Variants in MAEA observed in about 807,000 individuals in gnomAD.
MAEA encodes the protein E3 ubiquitin-protein transferase MAEA.
Under a neutral mutation model 46.2 loss-of-function variants are expected in MAEA, and 22 were observed. That is an observed-to-expected ratio of 0.48 (90% CI 0.34 to 0.68). The LOEUF (loss-of-function observed/expected upper bound fraction) is 0.68. Ranked by LOEUF, MAEA falls within the 30% of genes least tolerant of loss-of-function variation. MAEA has a pLI of 0.01. For synonymous variants in MAEA, 246 were observed against 222.6 expected (o/e 1.11, Z -0.94); for missense variants, 393 against 558.1 (o/e 0.70, Z 2.98).
intron 5 of MAEA, chr4:1,328,808 G>C: frequency 1.9e-6 from 2 of 1,075,178 alleles, no homozygotes; most frequent in Non-Finnish European, 2.3e-6. Context: ...TGACCTGGGC[G>C]CATGGTGGCA....
rs117462034 is a variant in MAEA, at chr4:1,320,718, C to T, written c.457-1663C>T. ...TCATCAACATGAACATGCAAGAAGA[C>T]GCTATGAAGGGGCTTCAGAAAAGAA... On this transcript the variant is annotated intron_variant, in intron 3 of 8. Transcript: ENST00000303400. 8.7e-4 allele frequency among the ~76,000 whole-genome samples: 131 copies of T among 151,346 alleles called. 2 individuals carry two copies. The highest frequency in any genetic ancestry group is 5.9e-3 in the East Asian group (30 of 5,088).
intron 6 of MAEA, chr4:1,334,928 G>A (rs1712548077): frequency 2.0e-6 from 2 of 985,394 alleles, no homozygotes; most frequent in Non-Finnish European, 2.4e-6. Context: ...CTTTAAAAAT[G>A]TTGGAGTTAA....
intron 1 of MAEA, among the ~76,000 whole-genome samples, chr4:1,306,571 G>A (rs1735855587): frequency 6.6e-6 from 1 of 152,200 alleles, no homozygotes; most frequent in African/African-American, 2.4e-5. Flanking sequence ...TACTGAGGCT[G>A]CAGGAGTTGG....
At chr4:1,336,648 G>A (rs1712807229) in intron 6 of MAEA, among the ~76,000 whole-genome samples, 1 of 152,232 alleles carries the variant, frequency 6.6e-6, no homozygotes, top group Non-Finnish European at 1.5e-5. Flanking sequence ...GCAGCATGTT[G>A]AAATCATAGT....
In MAEA at chr4:1,312,091, G is replaced by C; in HGVS notation, c.182G>C (p.Cys61Ser). 6.2e-7 allele frequency: 1 copy of C among 1,613,520 alleles called. No individual in the cohort carries two copies. The highest frequency in any genetic ancestry group is 1.6e-4 in the Middle Eastern group (1 of 6,062). The change falls in exon 2 of 9, where the codon TGC becomes TCC. Residue 61 changes from cysteine to serine, a missense_variant. Around this residue, in one of 2 missense-constraint regions of MAEA, gnomAD observed 358 missense variants for 537.9 expected, o/e 0.67. Transcript: ENST00000303400. ...GAGCTGGAGAAGACGTTGAGCGGCT[G>C]CCCCGCCGTGGACTCCGTGGTCAGC... ...VAELEKTLSGCPAVDSVVSLL... is the reference protein window; with the variant it reads ...VAELEKTLSGSPAVDSVVSLL...
intron 1 of MAEA, among the ~76,000 whole-genome samples, chr4:1,297,461 A>ATG (rs553309107): frequency 4.0e-5 from 6 of 151,070 alleles, no homozygotes; most frequent in Non-Finnish European, 7.4e-5. Context: ...GTACGTGCGT[A>ATG]TGTGTGTGTG....
rs763660025 is a variant in MAEA at position 1,289,973 on chromosome 4, G to A, written c.60G>A (p.Pro20=). 12 of 1,592,942 alleles carry A rather than the reference G, an allele frequency of 7.5e-6. No homozygotes were observed. Among genetic ancestry groups the A allele is most frequent in the South Asian group, 4.5e-5 (4 of 88,126 alleles). Residue 20 remains proline (P), a synonymous_variant, in exon 1 of 9, where the codon CCG becomes CCA. Coordinates refer to ENST00000303400, the MANE Select transcript of MAEA (RefSeq NM_001017405.3). ...LSMTLKVQEY[P]TLKVPYETLN... is the part of the protein sequence containing the mutation. The stretch of plus-strand genomic sequence containing the variant: ...TGACCCTGAAGGTCCAGGAGTACCC[G>A]ACCCTCAAGGTGGGCGCCTGCGCCG...
At chr4:1,294,200 C>G (rs1346436511) in intron 1 of MAEA, among the ~76,000 whole-genome samples, 1 of 152,214 alleles carries the variant, frequency 6.6e-6, no homozygotes, top group Non-Finnish European at 1.5e-5. Context: ...ATGGTCTGCC[C>G]TTTGTGGCTC....
intron 3 of MAEA, among the ~76,000 whole-genome samples, chr4:1,315,893 C>A (rs1277953934): frequency 1.2e-5 from 1 of 82,040 alleles, no homozygotes; most frequent in African/African-American, 4.8e-5. Flanking sequence ...CCCCAATGTG[C>A]GTGTTTCTCC....
chr4:1,316,015 G>C (rs1737117380), intron 3 of MAEA, among the ~76,000 whole-genome samples: 1 of 151,854 alleles, frequency 6.6e-6, no homozygotes, highest in Non-Finnish European at 1.5e-5. Context: ...CAGGAAGTCA[G>C]TGTCTAAGCG....
At chr4:1,314,391 A>G (rs61467995) in intron 2 of MAEA, among the ~76,000 whole-genome samples, 114 of 130,360 alleles carry the variant, frequency 8.7e-4, no homozygotes, top group African/African-American at 2.7e-3. Context: ...ATAACCAAAA[A>G]TGAAAAACTC....
intron 7 of MAEA, chr4:1,337,831 ACT>A (rs1446855280): frequency 2.6e-4 from 44 of 166,810 alleles, no homozygotes; most frequent in Non-Finnish European, 6.5e-5. Context: ...CCTGTGACTG[ACT>A]CTGTCCCCAC....
intron 4 of MAEA, among the ~76,000 whole-genome samples, chr4:1,324,553 T>G (rs1281459986): frequency 6.8e-6 from 1 of 146,612 alleles, no homozygotes; most frequent in Non-Finnish European, 1.5e-5. Context: ...TGAGATTGGA[T>G]GAGCGTGCCT....
At chr4:1,320,368 T>G (rs534740145) in intron 3 of MAEA, among the ~76,000 whole-genome samples, 131 of 150,278 alleles carry the variant, frequency 8.7e-4, no homozygotes, top group African/African-American at 3.1e-3. Context: ...AAGAAAATGC[T>G]ATGAAGGGGC....
In MAEA at chr4:1,323,509, G is replaced by T. The variant is rs904805411; in HGVS notation, c.579+1006G>T. 4.3e-6 allele frequency: 3 copies of T among 702,438 alleles called. No individual in the cohort carries two copies. In the African/African-American group the frequency reaches 5.2e-5, roughly 12 times the overall value. 43.5% of individuals were successfully genotyped at this position (702,438 alleles called of 1,614,324 possible). On this transcript the variant is annotated intron_variant, in intron 4 of 8. Coordinates refer to ENST00000303400, the MANE Select transcript of MAEA (RefSeq NM_001017405.3). ...CTGCCACTCAGGGCCGCCAAAACAA[G>T]CACGAAGCAAAGACGGGACGAAAAA...
chr4:1,309,726 C>G, intron 1 of MAEA: 1 of 1,517,848 alleles, frequency 6.6e-7, no homozygotes, highest in South Asian at 1.2e-5. Flanking sequence ...AGCCCCTCCC[C>G]GGCCTCCTTC....
rs567334971 is a variant in MAEA at position 1,329,086 on chromosome 4, C to A, written c.656+1383C>A. The A allele has an allele frequency of 3.8e-5, 37 of 985,608 alleles. No homozygotes were observed. The African/African-American group carries it at 5.8e-4, about 15-fold the overall frequency. The allele number at this position is 985,608 out of a possible 1,614,324, so 61.1% of individuals were successfully genotyped here. ...TCAGCCTCCGTCTCCTTGAGGGCCC[C>A]GGCCACTGTCAGCCCTGGAGTCTGA... On this transcript the variant is annotated intron_variant, in intron 5 of 8. Coordinates refer to ENST00000303400, the MANE Select transcript of MAEA (RefSeq NM_001017405.3).
At chr4:1,295,678 C>CGCACCTGTACCCCCCTCACCG (rs1734570299) in intron 1 of MAEA, among the ~76,000 whole-genome samples, 1 of 74,614 alleles carries the variant, frequency 1.3e-5, no homozygotes, top group Non-Finnish European at 2.9e-5. Flanking sequence ...CCCCCTCACC[C>CGCACCTGTACCCCCCTCACCG]GCTCCTATAC....
At position 1,311,967 on chromosome 4, in the gene MAEA, C is replaced by T. The variant is rs1279142305; in HGVS notation, c.70-12C>T. On this transcript the variant is annotated splice_polypyrimidine_tract_variant and intron_variant, in intron 1 of 8. Coordinates refer to ENST00000303400, the MANE Select transcript of MAEA (RefSeq NM_001017405.3). This position sits in a 1 kb window ranked among gnomAD's most constrained non-coding sequence, Gnocchi z 4.4. ...GGGGAGCAGATCCCTCACCATCCTC[C>T]TTCCTCTCCAGGTGCCCTACGAGAC... The T allele has an allele frequency of 6.2e-7, 1 of 1,600,488 alleles. No individual in the cohort carries two copies. The highest frequency in any genetic ancestry group is 8.5e-7 in the Non-Finnish European group (1 of 1,169,812).
Sources: allele counts gnomAD v4.1 joint callset (sites outside exome capture counted in the v4.1 genomes callset), GRCh38; gene constraint gnomAD v4.1.1; regional missense constraint gnomAD v4.1.1; non-coding constraint Gnocchi (gnomAD v3.1); transcripts MANE v1.5; gene names NCBI Gene and HGNC (gene_info 2026-07-23, HGNC 2026-07-21).